The following METTL22 variants were observed in gnomAD, a reference collection of about 807,000 sequenced individuals.
METTL22 encodes the protein methyltransferase-like protein 22.
A neutral mutation model predicts 48.4 loss-of-function variants in METTL22; 51 were observed. The observed-to-expected ratio is 1.05, with a 90% CI of 0.84 to 1.33. The LOEUF (loss-of-function observed/expected upper bound fraction) is 1.33, where lower values mean the gene tolerates loss of function less well. Ranked by LOEUF, METTL22 falls within the 40% of genes most tolerant of loss-of-function variation. The pLI, the probability that METTL22 is intolerant of heterozygous loss-of-function variation, is 0.00. For missense variants in METTL22, 678 were observed against 526.9 expected, an observed-to-expected ratio of 1.29 and a Z score of -2.81; for synonymous variants, 255 against 214.1, an observed-to-expected ratio of 1.19 and a Z score of -1.67.
downstream of METTL22, among the ~76,000 whole-genome samples, chr16:8,653,342 A>T (rs946974890): frequency 6.6e-6 from 1 of 152,176 alleles, no homozygotes; most frequent in Non-Finnish European, 1.5e-5. Flanking sequence ...CTTAGATTGA[A>T]AGAGACCTAT....
chr16:8,651,786 T>G (rs2056902212), downstream of METTL22, among the ~76,000 whole-genome samples: 1 of 152,172 alleles, frequency 6.6e-6, no homozygotes, highest in Non-Finnish European at 1.5e-5. Context: ...CATGCTTTTG[T>G]TCTTACTCAT....
At position 8,625,795 on chromosome 16, in the gene METTL22, C is replaced by T; in HGVS notation, c.130C>T (p.Pro44Ser). The T allele has an allele frequency of 6.2e-7, 1 of 1,613,998 alleles. No individual in the cohort carries two copies. Residue 44 changes from proline to serine, a missense_variant, in exon 2 of 11, where the codon CCA (proline) becomes TCA (serine). Pro to Ser is a moderately conservative substitution (Grantham distance 74, BLOSUM62 -1). Transcript: ENST00000381920. ...GGTACGGCTGAACAGCGTGGGGCAG[C>T]CAGGTAAGGTCCTGGGCCCAGGTGC... ...LMVRLNSVGQPVFLSQFKLLW... is the reference protein window; with the variant it reads ...LMVRLNSVGQSVFLSQFKLLW...
At chr16:8,655,579 T>C in the METTL22 span, among the ~76,000 whole-genome samples, 1 of 152,126 alleles carries the variant, frequency 6.6e-6, no homozygotes, top group South Asian at 2.1e-4. Context: ...CAGCCCACAC[T>C]CAAGGGGAGG....
chr16:8,635,643 C>T (rs1052792868), intron 5 of METTL22, among the ~76,000 whole-genome samples: 3 of 152,210 alleles, frequency 2.0e-5, no homozygotes, highest in African/African-American at 7.2e-5. Context: ...CTTTTAGAAG[C>T]CTTTGAAAGC....
chr16:8,628,868 G>A lies in METTL22; in HGVS notation c.272G>A (p.Ser91Asn), dbSNP rs1240333524. ...GGCAGCACAGGGTCCCCTCCAGGAA[G>A]TGGCCATGGTAATGAGGGTTTCTCC... ...ETGSTGSPPG[S>N]GHGNEGFSLQ... Residue 91 changes from serine to asparagine, a missense_variant, in exon 3 of 11, where the codon AGT becomes AAT. Ser to Asn is a conservative substitution (Grantham distance 46). Transcript: ENST00000381920. 4 of 1,613,900 alleles carry A rather than the reference G, an allele frequency of 2.5e-6. No homozygotes were observed. In the African/African-American group the frequency reaches 5.3e-5, roughly 22 times the overall value.
At chr16:8,622,170 C>G (rs969557774) in intron 1 of METTL22, among the ~76,000 whole-genome samples, 12 of 152,238 alleles carry the variant, frequency 7.9e-5, no homozygotes, top group African/African-American at 2.9e-4. Context: ...CAGGCCACGT[C>G]TTTCCTGCCC....
chr16:8,659,274 T>C, the METTL22 span, among the ~76,000 whole-genome samples: 2 of 150,560 alleles, frequency 1.3e-5, no homozygotes, highest in Non-Finnish European at 2.9e-5. Context: ...GAGGTTGCAG[T>C]GAGCCAAGAT....
chr16:8,647,298 A>C lies in METTL22; in HGVS notation c.*1155A>C, dbSNP rs954347271. On this transcript the variant is annotated 3_prime_UTR_variant, in exon 11 of 11. Coordinates refer to ENST00000381920, the MANE Select transcript of METTL22 (RefSeq NM_024109.4). ...TGATACCCACATTACAGCGGAGAAG[A>C]CTGAGGTCCAAAAAGGAAAAAGTCT... 6.5e-6 allele frequency: 1 copy of C among 154,940 alleles called. No individual in the cohort carries two copies. The highest frequency in any genetic ancestry group is 2.4e-5 in the African/African-American group (1 of 41,446). The allele number at this position is 154,940 out of a possible 1,614,324, so 9.6% of individuals were successfully genotyped here. A position where few individuals can be genotyped will look rare whatever the true frequency, so the allele number is the denominator to read the frequency against.
At chr16:8,626,439 C>T (rs891150831) in intron 2 of METTL22, among the ~76,000 whole-genome samples, 19 of 149,778 alleles carry the variant, frequency 1.3e-4, no homozygotes, top group Admixed American at 4.7e-4. Context: ...TCCATCTGTC[C>T]TCTGCTCTTT....
chr16:8,661,930 T>C, the METTL22 span, among the ~76,000 whole-genome samples: 108,454 of 143,610 alleles, frequency 0.76, 45,546 homozygotes, highest in East Asian at 0.99. Flanking sequence ...AGAGGCTGTC[T>C]GAGGTCACAG....
chr16:8,625,707 C>G lies in METTL22; in HGVS notation c.42C>G (p.Thr14=). The change falls in exon 2 of 11, where the codon ACC becomes ACG. Residue 14 remains threonine, a synonymous_variant. Transcript: ENST00000381920. ...LAPAAAMDEV[T]FRSDTVLSDV... is the part of the protein sequence containing the mutation. ...CTGCGGCAGCCATGGACGAGGTCAC[C>G]TTTAGGAGCGACACTGTGCTGTCAG... 1 of 1,614,194 alleles carries G rather than the reference C, an allele frequency of 6.2e-7. No individual in the cohort carries two copies. Among genetic ancestry groups the G allele is most frequent in the Non-Finnish European group, 8.5e-7 (1 of 1,180,030 alleles).
intron 2 of METTL22, among the ~76,000 whole-genome samples, chr16:8,627,580 A>G (rs1005583303): frequency 1.3e-5 from 2 of 152,170 alleles, no homozygotes; most frequent in African/African-American, 4.8e-5. Context: ...TACCAGGGGT[A>G]TACAAACTGC....
chr16:8,639,246 A>T, intron 6 of METTL22, 84 bp downstream of exon 6: 3 of 1,351,800 alleles, frequency 2.2e-6, no homozygotes, highest in Non-Finnish European at 3.2e-6. Flanking sequence ...TGACATTGGG[A>T]GGCAGGGCTC....
chr16:8,634,154 A>C (rs1239033857), intron 3 of METTL22, among the ~76,000 whole-genome samples: 4 of 152,250 alleles, frequency 2.6e-5, no homozygotes, highest in Non-Finnish European at 5.9e-5. Flanking sequence ...TCAGATTCTA[A>C]CTGCCCATAG....
At position 8,646,176 on chromosome 16, in the gene METTL22, T is replaced by G. The variant is rs376270280; in HGVS notation, c.*33T>G. ...CCTCCACAAGGCGCGGCGTCTCGAC[T>G]GTTCTTAGAGTGTATTTCTAGTAAA... On this transcript the variant is annotated 3_prime_UTR_variant, in exon 11 of 11. Coordinates refer to ENST00000381920, the MANE Select transcript of METTL22 (RefSeq NM_024109.4). The G allele has an allele frequency of 6.8e-6, 11 of 1,613,184 alleles. No homozygotes were observed. The highest frequency in any genetic ancestry group is 9.3e-6 in the Non-Finnish European group (11 of 1,179,170).
At chr16:8,640,530 G>GAGA (rs56001631) in intron 6 of METTL22, among the ~76,000 whole-genome samples, 134,738 of 136,356 alleles carry the variant, frequency 0.99, 66,599 homozygotes, top group Middle Eastern at 1. Flanking sequence ...GATGATGGAT[G>GAGA]AGGAGGGAAG....
the METTL22 span, among the ~76,000 whole-genome samples, chr16:8,655,930 G>A: frequency 6.6e-6 from 1 of 152,226 alleles, no homozygotes; most frequent in African/African-American, 2.4e-5. Context: ...TTGGAGGACT[G>A]TGTCTTCTGA....
chr16:8,628,892 C>T lies in METTL22; in HGVS notation c.296C>T (p.Ser99Phe), dbSNP rs374753282. ...PGSGHGNEGFSLQAGTDTTGQ... is the reference protein window; with the variant it reads ...PGSGHGNEGFFLQAGTDTTGQ... ...AGTGGCCATGGTAATGAGGGTTTCT[C>T]CCTCCAGGCCGGGACTGACACCACT... is the stretch of plus-strand genomic sequence containing the variant. The change falls in exon 3 of 11, where the codon TCC (serine) becomes TTC (phenylalanine). Residue 99 changes from serine to phenylalanine, a missense_variant. By Grantham distance (155) the Ser-to-Phe change is radical (BLOSUM62 -2). Coordinates refer to ENST00000381920, the MANE Select transcript of METTL22 (RefSeq NM_024109.4). 1.9e-5 allele frequency: 31 copies of T among 1,614,022 alleles called. No homozygotes were observed. In the African/African-American group the frequency reaches 2.4e-4, roughly 12 times the overall value.
Position 8,642,285 on chromosome 16 carries a change from G to A in METTL22, c.907+78G>A, listed in dbSNP as rs138719108. ...AGTGCAGTCTCTCCTCACTTCCCCCGGGAGTTCAGTTTTAGAAGTGACTTT... is the reference window on the plus strand; with the variant it reads ...AGTGCAGTCTCTCCTCACTTCCCCCAGGAGTTCAGTTTTAGAAGTGACTTT... On this transcript the variant is annotated intron_variant, in intron 8 of 10. Transcript: ENST00000381920. 1.4e-4 allele frequency: 201 copies of A among 1,391,138 alleles called. 1 individual carries two copies. In the Middle Eastern group the frequency reaches 1.9e-3, roughly 13 times the overall value. 86.2% of individuals were successfully genotyped at this position (1,391,138 alleles called of 1,614,324 possible).
Sources: gnomAD v4.1 joint callset for allele counts (sites outside exome capture counted in the v4.1 genomes callset) on GRCh38, gnomAD v4.1.1 for gene constraint, MANE v1.5 for transcripts, NCBI Gene and HGNC (gene_info 2026-07-23, HGNC 2026-07-21) for gene names.